SORCS2: variants seen among roughly 807,000 people sequenced by gnomAD.
The protein encoded by SORCS2 is VPS10 domain-containing receptor SorCS2.
A neutral mutation model predicts 141.6 loss-of-function variants in SORCS2; 100 were observed. That is an observed-to-expected ratio of 0.71 (90% CI 0.60 to 0.83). The LOEUF is 0.83. Among genes scored for constraint, SORCS2 ranks in the 40% least tolerant of loss-of-function variants. The pLI is 0.00. For synonymous variants in SORCS2, 789 were observed against 676.9 expected (o/e 1.17, Z -2.57); for missense variants, 1,646 against 1,560.2 (o/e 1.05, Z -0.93).
At chr4:7,733,166 C>G (rs1337026247) in intron 23 of SORCS2, among the ~76,000 whole-genome samples, 156 bp from the exon 24 acceptor site, 1 of 148,854 alleles carries the variant, frequency 6.7e-6, no homozygotes, top group Admixed American at 6.6e-5. Context: ...CTCCCCCACC[C>G]CCCATGGAGG....
At chr4:7,685,507 C>T (rs1310741825) in intron 10 of SORCS2, among the ~76,000 whole-genome samples, 2 of 152,086 alleles carry the variant, frequency 1.3e-5, no homozygotes. Flanking sequence ...CCCGTCTCTA[C>T]TAAAAATACA....
At chr4:7,374,511 C>T (rs753051634) in intron 1 of SORCS2, among the ~76,000 whole-genome samples, 3 of 152,168 alleles carry the variant, frequency 2.0e-5, no homozygotes, top group Non-Finnish European at 4.4e-5. Flanking sequence ...ACATTGTCTG[C>T]GTGTTGCTTT....
chr4:7,541,751 C>T (rs969770515), intron 3 of SORCS2, among the ~76,000 whole-genome samples: 3 of 152,214 alleles, frequency 2.0e-5, no homozygotes, highest in African/African-American at 2.4e-5. Flanking sequence ...GCAGGGTCAG[C>T]GCCTCCACAC....
At chr4:7,386,251 CACAT>C (rs1484781216) in intron 1 of SORCS2, among the ~76,000 whole-genome samples, 2 of 54,052 alleles carry the variant, frequency 3.7e-5, no homozygotes, top group East Asian at 1.5e-3. Context: ...CACGTGCACA[CACAT>C]ACAGGTACAC....
chr4:7,738,762 G>C (rs1342668272), intron 26 of SORCS2, among the ~76,000 whole-genome samples: 1 of 152,170 alleles, frequency 6.6e-6, no homozygotes, highest in South Asian at 2.1e-4. Context: ...TCAAAAAGGA[G>C]AAGTCGCTCA....
At position 7,438,231 on chromosome 4, in the gene SORCS2, G is replaced by C. The variant is rs536376226; in HGVS notation, c.548+41876G>C. ...TCCATCGGGAGCTGATGGCAGCTTT[G>C]TGTTTTCTTTTGTAGCACTGGGGAA... On this transcript the variant is annotated intron_variant, in intron 2 of 26. Coordinates refer to ENST00000507866, the MANE Select transcript of SORCS2 (RefSeq NM_020777.3). Among the ~76,000 whole-genome samples the C allele has an allele frequency of 3.9e-5, 6 of 152,292 alleles. No individual in the cohort carries two copies. The South Asian group carries it at 1.0e-3, about 26-fold the overall frequency.
intron 1 of SORCS2, among the ~76,000 whole-genome samples, chr4:7,395,030 ACGG>A (rs570705025): frequency 2.0e-5 from 3 of 152,222 alleles, no homozygotes; most frequent in Admixed American, 6.5e-5. Context: ...CCTGGCTCTG[ACGG>A]CAGGCTGTGA....
At chr4:7,380,292 A>C (rs1014960230) in intron 1 of SORCS2, among the ~76,000 whole-genome samples, 2 of 151,826 alleles carry the variant, frequency 1.3e-5, no homozygotes, top group African/African-American at 4.9e-5. Flanking sequence ...AACAAGTAAC[A>C]TTCACAGGGG....
chr4:7,536,151 G>A (rs766471723), intron 3 of SORCS2, among the ~76,000 whole-genome samples: 3 of 152,202 alleles, frequency 2.0e-5, no homozygotes, highest in Non-Finnish European at 4.4e-5. Context: ...GGCATCAGAG[G>A]GCCCAAGCTC....
intron 3 of SORCS2, among the ~76,000 whole-genome samples, chr4:7,560,100 C>G (rs114983500): frequency 1.3e-5 from 2 of 152,180 alleles, no homozygotes; most frequent in African/African-American, 4.8e-5. Flanking sequence ...CTCACATCCT[C>G]GCAGGTTAGG....
chr4:7,264,449 A>G (rs1714579896), intron 1 of SORCS2, among the ~76,000 whole-genome samples: 1 of 152,032 alleles, frequency 6.6e-6, no homozygotes, highest in African/African-American at 2.4e-5. Flanking sequence ...GGTGTCCCCC[A>G]AAGCACCAAG....
chr4:7,288,140 A>G (rs73796604), intron 1 of SORCS2, among the ~76,000 whole-genome samples: 4,325 of 152,220 alleles, frequency 0.028, 197 homozygotes, highest in African/African-American at 0.098. Context: ...TCGGCTGCTT[A>G]ATGAAGGAGT....
chr4:7,558,917 A>T (rs764271651), intron 3 of SORCS2, among the ~76,000 whole-genome samples: 1 of 151,948 alleles, frequency 6.6e-6, no homozygotes, highest in Non-Finnish European at 1.5e-5. Context: ...ACCTCCGAGG[A>T]CCTTTTCTGT....
intron 2 of SORCS2, among the ~76,000 whole-genome samples, chr4:7,488,900 C>T (rs1004929518): frequency 6.6e-6 from 1 of 152,218 alleles, no homozygotes; most frequent in Non-Finnish European, 1.5e-5. Context: ...GCAGCTAAGT[C>T]CCCCTGTGCC....
intron 2 of SORCS2, among the ~76,000 whole-genome samples, chr4:7,405,291 G>A (rs544143661): frequency 1.3e-5 from 2 of 152,182 alleles, no homozygotes; most frequent in African/African-American, 2.4e-5. Context: ...GTAACGTGGT[G>A]CCTCCAGCTT....
At chr4:7,605,588 C>T (rs1258060082) in intron 3 of SORCS2, among the ~76,000 whole-genome samples, 1 of 152,086 alleles carries the variant, frequency 6.6e-6, no homozygotes, top group Non-Finnish European at 1.5e-5. Context: ...GTGTTTAATC[C>T]AGCTTTATTG....
intron 2 of SORCS2, among the ~76,000 whole-genome samples, chr4:7,429,791 G>A (rs1726701826): frequency 6.6e-6 from 1 of 152,194 alleles, no homozygotes; most frequent in Non-Finnish European, 1.5e-5. Context: ...CACACGCCCT[G>A]AGCCTGCTGC....
intron 2 of SORCS2, among the ~76,000 whole-genome samples, chr4:7,507,746 A>C (rs978721083): frequency 1.0e-5 from 1 of 99,758 alleles, no homozygotes; most frequent in African/African-American, 2.8e-5. Context: ...TGTACTTCCA[A>C]TGGGGGGAAA....
chr4:7,567,336 A>C (rs1041595255), intron 3 of SORCS2, among the ~76,000 whole-genome samples: 1 of 152,078 alleles, frequency 6.6e-6, no homozygotes, highest in African/African-American at 2.4e-5. Context: ...ACTCCACGTT[A>C]CATGTAGTCA....
Sources: allele counts gnomAD v4.1 joint callset (sites outside exome capture counted in the v4.1 genomes callset), GRCh38; gene constraint gnomAD v4.1.1; transcripts MANE v1.5; gene names NCBI Gene and HGNC (gene_info 2026-07-23, HGNC 2026-07-21).